ETV1: variants seen among roughly 807,000 people sequenced by gnomAD.
ETV1 encodes the protein ETS translocation variant 1.
ETV1 carries 27 observed loss-of-function variants against 62.3 expected under a neutral mutation model. That is an observed-to-expected ratio of 0.43 (90% CI 0.32 to 0.60). ETV1 has a LOEUF of 0.60. Among genes scored for constraint, ETV1 ranks in the 20% least tolerant of loss-of-function variants. The pLI, the probability that ETV1 is intolerant of heterozygous loss-of-function variation, is 0.06. For synonymous variants in ETV1, 222 were observed against 199.6 expected (o/e 1.11, Z -0.94); for missense variants, 605 against 605.8 (o/e 1.00, Z 0.01).
At position 13,896,438 on chromosome 7, in the gene ETV1, C is replaced by T. The variant is rs186555296; in HGVS notation, c.1213-351G>A. 8.8e-3 allele frequency among the ~76,000 whole-genome samples: 1,343 copies of T among 152,096 alleles called. 15 individuals carry two copies. Among genetic ancestry groups the T allele is most frequent in the African/African-American group, 0.028 (1,160 of 41,518 alleles). On this transcript the variant is annotated intron_variant, in intron 13 of 13. Transcript: ENST00000430479. ...TAATGCAGGCATTTCATATTGAAAG[C>T]TTTTTTTCTGCATTTTAAAAGGTAG... is the stretch of plus-strand genomic sequence containing the variant.
At chr7:13,919,749 C>T (rs942949329) in intron 9 of ETV1, among the ~76,000 whole-genome samples, 2 of 152,012 alleles carry the variant, frequency 1.3e-5, no homozygotes, top group Non-Finnish European at 2.9e-5. Context: ...GTATAGAAAT[C>T]ATTTAAGTGT....
chr7:13,989,169 T>TAAAAA, intron 2 of ETV1, 30 bp from the exon 3 acceptor site: 1 of 702,048 alleles, frequency 1.4e-6, no homozygotes, highest in South Asian at 1.9e-5. Context: ...CTTTTAGGCT[T>TAAAAA]AAAAAAAAAT....
chr7:13,912,164 A>G (rs1783629993), intron 9 of ETV1, among the ~76,000 whole-genome samples: 1 of 152,216 alleles, frequency 6.6e-6, no homozygotes, highest in Non-Finnish European at 1.5e-5. Flanking sequence ...CTCTGGAGGC[A>G]GCCAGAGGAA....
intron 5 of ETV1, among the ~76,000 whole-genome samples, chr7:13,978,673 G>T (rs1339478284): frequency 2.0e-5 from 3 of 151,330 alleles, no homozygotes; most frequent in Non-Finnish European, 4.4e-5. Context: ...TAACTGAATG[G>T]CTTAAGAAAA....
chr7:13,989,889 C>T (rs1205348464), upstream of ETV1: 2 of 321,470 alleles, frequency 6.2e-6, no homozygotes, highest in Non-Finnish European at 1.1e-5. Context: ...GGAAGCGCCA[C>T]GGAGAGACTC....
intron 9 of ETV1, among the ~76,000 whole-genome samples, chr7:13,922,070 T>A (rs1784904654): frequency 6.6e-6 from 1 of 152,218 alleles, no homozygotes; most frequent in African/African-American, 2.4e-5. Context: ...ACATGAATTA[T>A]AAATTTATAA....
intron 12 of ETV1, among the ~76,000 whole-genome samples, chr7:13,904,649 A>T (rs2128411779): frequency 6.6e-6 from 1 of 152,268 alleles, no homozygotes; most frequent in Non-Finnish European, 1.5e-5. Context: ...AGTTCATTTT[A>T]ATCACAGGTG....
chr7:13,939,187 T>C lies in ETV1; in HGVS notation c.295A>G (p.Ile99Val), dbSNP rs758881224. The C allele has an allele frequency of 1.2e-6, 2 of 1,613,140 alleles. No homozygotes were observed. Among genetic ancestry groups the C allele is most frequent in the South Asian group, 1.1e-5 (1 of 90,792 alleles). Residue 99 changes from isoleucine (I) to valine (V), a missense_variant, in exon 7 of 14, where the codon ATC becomes GTC. Ile to Val is a conservative substitution (Grantham distance 29, BLOSUM62 3). Transcript: ENST00000430479. ...KKEPHSPCSE[I>V]SSACSQEQPF... ...TGTTCTTGACTGCAGGCAGAGCTGA[T>C]TTCTGAACATGGACTGTGGGGTTCT...
intron 5 of ETV1, among the ~76,000 whole-genome samples, chr7:13,984,338 G>T (rs1401214259): frequency 6.6e-6 from 1 of 152,018 alleles, no homozygotes; most frequent in African/African-American, 2.4e-5. Context: ...TGGATGTCCA[G>T]AAAGACATAA....
At chr7:13,969,152 C>G (rs1780612744) in intron 6 of ETV1, among the ~76,000 whole-genome samples, 1 of 152,122 alleles carries the variant, frequency 6.6e-6, no homozygotes, top group Non-Finnish European at 1.5e-5. Context: ...TGCCTTGGCT[C>G]TCTCTAATCA....
chr7:13,911,986 G>T (rs1484962621), intron 9 of ETV1, among the ~76,000 whole-genome samples: 1 of 152,098 alleles, frequency 6.6e-6, no homozygotes, highest in Non-Finnish European at 1.5e-5. Flanking sequence ...CAGACGTAAG[G>T]TCCCTTAAAG....
At chr7:13,928,399 G>T (rs2299091) in intron 9 of ETV1, among the ~76,000 whole-genome samples, 24,804 of 150,494 alleles carry the variant, frequency 0.16, 2,286 homozygotes, top group East Asian at 0.26. Flanking sequence ...GGCAGATCAC[G>T]AGGTCAAGAG....
At chr7:13,964,072 C>T (rs570485077) in intron 6 of ETV1, among the ~76,000 whole-genome samples, 2 of 152,094 alleles carry the variant, frequency 1.3e-5, no homozygotes, top group Non-Finnish European at 2.9e-5. Context: ...CCCTACAGAC[C>T]CGTGAGTTGA....
chr7:13,949,737 T>C (rs988664652), intron 6 of ETV1, among the ~76,000 whole-genome samples: 1 of 152,210 alleles, frequency 6.6e-6, no homozygotes, highest in Non-Finnish European at 1.5e-5. Flanking sequence ...ATTTCTAAAC[T>C]GCTATCAAAA....
intron 9 of ETV1, among the ~76,000 whole-genome samples, chr7:13,928,569 G>A (rs745986810): frequency 5.3e-5 from 8 of 151,980 alleles, no homozygotes; most frequent in Non-Finnish European, 8.8e-5. Context: ...AGCCGAGATC[G>A]TGCCACTGCA....
intron 6 of ETV1, among the ~76,000 whole-genome samples, chr7:13,952,671 C>T (rs1562670759): frequency 6.6e-6 from 1 of 151,942 alleles, no homozygotes; most frequent in Non-Finnish European, 1.5e-5. Context: ...TAGGGGACCT[C>T]CCACATTTCA....
intron 5 of ETV1, among the ~76,000 whole-genome samples, chr7:13,978,892 G>C (rs1224638130): frequency 6.6e-6 from 1 of 151,980 alleles, no homozygotes; most frequent in Non-Finnish European, 1.5e-5. Flanking sequence ...ACATTCAACT[G>C]TTTTCTAACA....
At chr7:13,931,814 A>G (rs1786212611) in intron 8 of ETV1, 65 bp from the exon 9 acceptor site, 1 of 1,573,504 alleles carries the variant, frequency 6.4e-7, no homozygotes, top group African/African-American at 1.4e-5. Context: ...AAATACGGAT[A>G]CGGTTTTCCA....
At chr7:13,930,468 C>T (rs1356245548) in intron 9 of ETV1, among the ~76,000 whole-genome samples, 1 of 151,994 alleles carries the variant, frequency 6.6e-6, no homozygotes, top group Non-Finnish European at 1.5e-5. Context: ...ACTACAGGCA[C>T]GTGCCAGCAT....
Sources: allele counts gnomAD v4.1 joint callset (sites outside exome capture counted in the v4.1 genomes callset), GRCh38; gene constraint gnomAD v4.1.1; transcripts MANE v1.5; gene names NCBI Gene and HGNC (gene_info 2026-07-23, HGNC 2026-07-21).